Variants in GPHN observed in about 807,000 individuals in gnomAD.
GPHN encodes gephyrin.
GPHN carries 17 observed loss-of-function variants against 95.5 expected under a neutral mutation model. The observed-to-expected ratio is 0.18, with a 90% CI of 0.12 to 0.27. The LOEUF (loss-of-function observed/expected upper bound fraction) is 0.27, where lower values mean the gene tolerates loss of function less well. GPHN is among the 10% of genes least tolerant of loss of function. The pLI, the probability that GPHN is intolerant of heterozygous loss-of-function variation, is 1.00. For synonymous variants in GPHN, 320 were observed against 322.5 expected (o/e 0.99, Z 0.08); for missense variants, 660 against 978.1 (o/e 0.67, Z 4.34).
chr14:67,013,183 G>T (rs1053974232), intron 9 of GPHN, among the ~76,000 whole-genome samples: 1 of 151,454 alleles, frequency 6.6e-6, no homozygotes, highest in Non-Finnish European at 1.5e-5. Flanking sequence ...CCACATATTT[G>T]TTCAATAATT....
chr14:67,709,434 C>T, the GPHN span, among the ~76,000 whole-genome samples: 5 of 152,182 alleles, frequency 3.3e-5, no homozygotes, highest in African/African-American at 1.2e-4. Context: ...CCTTTCATAA[C>T]CTTTATAACC....
intron 1 of GPHN, among the ~76,000 whole-genome samples, chr14:66,582,398 T>G (rs1306862157): frequency 6.6e-6 from 1 of 151,788 alleles, no homozygotes; most frequent in Non-Finnish European, 1.5e-5. Context: ...TTTTATTTTA[T>G]TTTACTTTAA....
chr14:67,624,651 G>A, the GPHN span, among the ~76,000 whole-genome samples: 1 of 152,102 alleles, frequency 6.6e-6, no homozygotes, highest in East Asian at 1.9e-4. Flanking sequence ...CAACCCCCAT[G>A]ATCCAATCAC....
At chr14:67,147,140 G>A (rs754301194) in intron 18 of GPHN, among the ~76,000 whole-genome samples, 1 of 152,188 alleles carries the variant, frequency 6.6e-6, no homozygotes, top group African/African-American at 2.4e-5. Context: ...TCTGCTAAAT[G>A]TTGAGTTAGC....
At chr14:66,566,007 T>A (rs1314930691) in intron 1 of GPHN, among the ~76,000 whole-genome samples, 2 of 151,842 alleles carry the variant, frequency 1.3e-5, no homozygotes, top group African/African-American at 4.8e-5. Flanking sequence ...TTTTAAGATC[T>A]TCTGTTTCTT....
chr14:67,571,981 G>C, the GPHN span: 4 of 1,509,156 alleles, frequency 2.7e-6, no homozygotes, highest in Admixed American at 7.9e-5. Context: ...GAACATGGGC[G>C]TCCCCACTTG....
chr14:67,569,612 G>A, the GPHN span: 1 of 469,278 alleles, frequency 2.1e-6, no homozygotes, highest in Non-Finnish European at 3.9e-6. Context: ...GAGGGCTGTG[G>A]GGTGGTCCCA....
intron 1 of GPHN, among the ~76,000 whole-genome samples, chr14:66,599,748 T>C (rs1727242155): frequency 6.6e-6 from 1 of 152,004 alleles, no homozygotes; most frequent in African/African-American, 2.4e-5. Context: ...CTTGTCTTAT[T>C]CCTTATTTTA....
chr14:66,915,935 G>T (rs1168927209), intron 5 of GPHN, 68 bp from the exon 6 acceptor site: 1 of 857,168 alleles, frequency 1.2e-6, no homozygotes, highest in Admixed American at 1.7e-5. Context: ...ATTGTTATTT[G>T]TTCTTAATGT....
the GPHN span, chr14:67,533,636 C>T: frequency 6.6e-6 from 1 of 152,168 alleles, no homozygotes; most frequent in African/African-American, 2.4e-5. Context: ...CCGGGAGTAC[C>T]TGGACTTGGG....
chr14:66,654,604 C>T (rs940005346), intron 1 of GPHN, among the ~76,000 whole-genome samples: 11 of 152,038 alleles, frequency 7.2e-5, no homozygotes, highest in Non-Finnish European at 1.6e-4. Flanking sequence ...TTCGTAGCCT[C>T]TTCTTTCACT....
At chr14:67,307,514 C>T in the GPHN span, among the ~76,000 whole-genome samples, 2 of 152,138 alleles carry the variant, frequency 1.3e-5, no homozygotes, top group Non-Finnish European at 2.9e-5. Flanking sequence ...CTGTGCCAGG[C>T]ACTACAGAGA....
At chr14:66,803,879 A>G (rs906199382) in intron 3 of GPHN, among the ~76,000 whole-genome samples, 1 of 151,844 alleles carries the variant, frequency 6.6e-6, no homozygotes, top group Non-Finnish European at 1.5e-5. Context: ...TTAGATTCCA[A>G]TGCTGTGGTG....
intron 8 of GPHN, among the ~76,000 whole-genome samples, chr14:66,933,201 A>C (rs2066921322): frequency 6.6e-6 from 1 of 152,242 alleles, no homozygotes; most frequent in Admixed American, 6.5e-5. Context: ...GCATCTATCT[A>C]TACAGTAGAA....
chr14:66,875,037 A>G (rs1338861095), intron 4 of GPHN, among the ~76,000 whole-genome samples: 2 of 152,226 alleles, frequency 1.3e-5, no homozygotes, highest in Admixed American at 1.3e-4. Context: ...AAGGAAGCCC[A>G]TCAAGCTAAT....
chr14:67,209,772 C>T, the GPHN span, among the ~76,000 whole-genome samples: 1 of 143,138 alleles, frequency 7.0e-6, no homozygotes, highest in African/African-American at 2.6e-5. Context: ...GAGCCGAGAT[C>T]GTGCCATTAA....
intron 1 of GPHN, among the ~76,000 whole-genome samples, chr14:66,562,921 C>T (rs899252871): frequency 2.0e-5 from 3 of 151,648 alleles, no homozygotes; most frequent in East Asian, 3.9e-4. Context: ...TCTTAATTGA[C>T]GTTAGCTCAA....
chr14:67,074,786 C>T (rs1232253006), intron 11 of GPHN, among the ~76,000 whole-genome samples: 1 of 152,044 alleles, frequency 6.6e-6, no homozygotes, highest in Non-Finnish European at 1.5e-5. Context: ...CAGAGCAAGG[C>T]CCTAACTCTT....
At chr14:67,515,804 G>A in the GPHN span, among the ~76,000 whole-genome samples, 2 of 149,340 alleles carry the variant, frequency 1.3e-5, no homozygotes, top group Admixed American at 1.3e-4. Context: ...ACCACGTGGT[G>A]TGGCAGACCC....
Sources: allele counts gnomAD v4.1 joint callset (sites outside exome capture counted in the v4.1 genomes callset), GRCh38; gene constraint gnomAD v4.1.1; transcripts MANE v1.5; gene names NCBI Gene and HGNC (gene_info 2026-07-23, HGNC 2026-07-21).